EGF: variants seen among roughly 807,000 people sequenced by gnomAD.
EGF encodes the protein pro-epidermal growth factor.
EGF carries 95 observed loss-of-function variants against 143.8 expected under a neutral mutation model. The ratio of observed to expected loss-of-function variants is 0.66; its 90% CI spans 0.56 to 0.78. The LOEUF is 0.78. Among genes scored for constraint, EGF ranks in the 30% least tolerant of loss-of-function variants. EGF has a pLI of 0.00. For missense variants in EGF, 1,320 were observed against 1,470.9 expected, an observed-to-expected ratio of 0.90 and a Z score of 1.68; for synonymous variants, 510 against 510.5, an observed-to-expected ratio of 1.00 and a Z score of 0.01.
In EGF at chr4:110,012,254, C is replaced by A. The variant is rs1357299043; in HGVS notation, c.*799C>A. ...TCTTCTAATTATTTAAATAAAATCA[C>A]CAAAAACATAAACATTTTATTGTAT... On this transcript the variant is annotated 3_prime_UTR_variant, in exon 24 of 24. Transcript: ENST00000265171. The A allele has an allele frequency of 6.6e-6, 1 of 152,020 alleles. No individual in the cohort carries two copies. Among genetic ancestry groups the A allele is most frequent in the Non-Finnish European group, 1.5e-5 (1 of 68,014 alleles). 9.4% of individuals were successfully genotyped at this position (152,020 alleles called of 1,614,324 possible).
chr4:110,012,794 A>G lies in EGF; in HGVS notation c.*1339A>G, dbSNP rs1754114047. 6.6e-6 allele frequency among the ~76,000 whole-genome samples: 1 copy of G among 152,218 alleles called. No individual in the cohort carries two copies. The highest frequency in any genetic ancestry group is 1.5e-5 in the Non-Finnish European group (1 of 68,036). On this transcript the variant is annotated 3_prime_UTR_variant, in exon 24 of 24. Coordinates refer to ENST00000265171, the MANE Select transcript of EGF (RefSeq NM_001963.6). ...TGTTCTAATTAAATATTTTTCTTGC[A>G]GCCAAGATATTGTTACTACAGATAA...
In EGF at chr4:109,987,764, G is replaced by T; in HGVS notation, c.2512G>T (p.Val838Leu). ...TGTAGATCAAGATGACTGTGCTCCTGTGGGATGCAGCATGTATGCTCGGTG... is the reference window on the plus strand; with the variant it reads ...TGTAGATCAAGATGACTGTGCTCCTTTGGGATGCAGCATGTATGCTCGGTG... ...MVSDQDDCAP[V>L]GCSMYARCIS... is the part of the protein sequence containing the mutation. Residue 838 changes from valine to leucine, a missense_variant, in exon 17 of 24, where the codon GTG becomes TTG. Transcript: ENST00000265171. The T allele has an allele frequency of 6.2e-7, 1 of 1,613,886 alleles. No homozygotes were observed. Among genetic ancestry groups the T allele is most frequent in the Non-Finnish European group, 8.5e-7 (1 of 1,179,806 alleles).
chr4:109,995,986 T>C (rs1179396254), intron 20 of EGF, among the ~76,000 whole-genome samples: 5 of 152,214 alleles, frequency 3.3e-5, no homozygotes, highest in Non-Finnish European at 7.3e-5. Context: ...CATGCTATAA[T>C]TTCCTAACCT....
chr4:109,963,229 G>A lies in EGF; in HGVS notation c.1369G>A (p.Val457Ile), dbSNP rs777131517. Reference protein sequence around the residue: ...CSQLCVPLSPVSWECDCFPGY... With the variant: ...CSQLCVPLSPISWECDCFPGY... Reference sequence around the variant, plus strand: ...CCAGCTCTGCGTTCCTCTTAGCCCAGTATCCTGGGAATGTGATTGCTTTCC... The same window carrying A: ...CCAGCTCTGCGTTCCTCTTAGCCCAATATCCTGGGAATGTGATTGCTTTCC... The change falls in exon 9 of 24, where the codon GTA becomes ATA. Residue 457 changes from valine (V) to isoleucine (I), a missense_variant. Physicochemically the swap from Val to Ile is conservative, Grantham distance 29. Around this residue, in one of 5 missense-constraint regions of EGF, gnomAD observed 1,186 missense variants for 1,313.7 expected, o/e 0.90. Transcript: ENST00000265171. 1.7e-5 allele frequency: 28 copies of A among 1,614,014 alleles called. 1 individual carries two copies. The highest frequency in any genetic ancestry group is 1.3e-5 in the Non-Finnish European group (15 of 1,179,966).
chr4:110,004,539 C>A lies in EGF; in HGVS notation c.3208C>A (p.Pro1070Thr), dbSNP rs781407303. 2 of 1,614,048 alleles carry A rather than the reference C, an allele frequency of 1.2e-6. No homozygotes were observed. The highest frequency in any genetic ancestry group is 1.7e-6 in the Non-Finnish European group (2 of 1,179,960). The change falls in exon 22 of 24, where the codon CCT (proline) becomes ACT (threonine). Residue 1070 changes from proline to threonine, a missense_variant. This residue lies in a region of EGF where 1,186 missense variants were observed against 1,313.7 expected (regional missense o/e 0.90). Transcript: ENST00000265171. ...QKLLSKNPKNPYEESSRDVRS... is the reference protein window; with the variant it reads ...QKLLSKNPKNTYEESSRDVRS... ...GCTGCTATCGAAAAACCCAAAGAAT[C>A]CTTATGAGGAGTCGAGCAGAGATGT...
At chr4:109,988,733 A>C in intron 18 of EGF, 24 bp downstream of exon 18, 1 of 1,613,298 alleles carries the variant, frequency 6.2e-7, no homozygotes. Context: ...TGTGCTGGGG[A>C]GGAGGGCAGA....
chr4:109,949,215 C>G (rs1743390248), intron 5 of EGF, among the ~76,000 whole-genome samples: 1 of 152,154 alleles, frequency 6.6e-6, no homozygotes, highest in Admixed American at 6.5e-5. Context: ...ATTACAGGCA[C>G]CCACCACCAT....
intron 13 of EGF, among the ~76,000 whole-genome samples, chr4:109,976,533 A>C (rs576698007): frequency 7.2e-5 from 11 of 152,340 alleles, no homozygotes; most frequent in African/African-American, 2.6e-4. Context: ...TTCATTTCTT[A>C]TGTTTTAGAA....
intron 11 of EGF, 65 bp downstream of exon 11, chr4:109,969,184 G>T: frequency 6.2e-7 from 1 of 1,603,818 alleles, no homozygotes; most frequent in Non-Finnish European, 8.5e-7. Flanking sequence ...AATACTATTG[G>T]CTTCATCTTC....
chr4:110,012,255 CA>C lies in EGF; in HGVS notation c.*805del, dbSNP rs1754057583. The C allele has an allele frequency of 1.3e-5, 2 of 152,062 alleles. No individual in the cohort carries two copies. The highest frequency in any genetic ancestry group is 4.2e-4 in the South Asian group (2 of 4,816). The allele number at this position is 152,062 out of a possible 1,614,324, so 9.4% of individuals were successfully genotyped here. The stretch of plus-strand genomic sequence containing the variant: ...CTTCTAATTATTTAAATAAAATCAC[CA>C]AAAACATAAACATTTTATTGTATGC... On this transcript the variant is annotated 3_prime_UTR_variant, in exon 24 of 24. Transcript: ENST00000265171.
Position 109,988,092 on chromosome 4 carries a change from T to C in EGF, c.2608+232T>C, listed in dbSNP as rs575584896. On this transcript the variant is annotated intron_variant, in intron 17 of 23. Coordinates refer to ENST00000265171, the MANE Select transcript of EGF (RefSeq NM_001963.6). ...GTAAAATTTATGGTTACACAATATA[T>C]GCAGTTGTCATTAAGGGGAAGAATT... 2.4e-3 allele frequency among the ~76,000 whole-genome samples: 365 copies of C among 152,232 alleles called. 2 individuals are homozygous for C. The highest frequency in any genetic ancestry group is 8.3e-3 in the African/African-American group (344 of 41,538).
At chr4:109,985,860 C>T (rs1002625817) in intron 16 of EGF, among the ~76,000 whole-genome samples, 1 of 152,236 alleles carries the variant, frequency 6.6e-6, no homozygotes, top group Non-Finnish European at 1.5e-5. Context: ...GTTTCACTAA[C>T]AGGACCTTGG....
At chr4:109,943,659 A>T (rs1171302228) in intron 3 of EGF, among the ~76,000 whole-genome samples, 183 bp from the exon 4 acceptor site, 1 of 151,844 alleles carries the variant, frequency 6.6e-6, no homozygotes, top group Non-Finnish European at 1.5e-5. Flanking sequence ...TAGAGGCATA[A>T]TTCCCTTTCT....
chr4:110,006,851 G>A (rs72896546), intron 22 of EGF, among the ~76,000 whole-genome samples: 1,938 of 152,344 alleles, frequency 0.013, 36 homozygotes, highest in African/African-American at 0.045. Context: ...GTAGATATCA[G>A]TGGGAGTGGG....
chr4:110,003,789 A>C (rs908165533), intron 21 of EGF, among the ~76,000 whole-genome samples: 1 of 151,960 alleles, frequency 6.6e-6, no homozygotes, highest in African/African-American at 2.4e-5. Context: ...TGGAAGCAAG[A>C]TACCTAGTGT....
At chr4:109,932,760 G>A (rs1038655494) in intron 1 of EGF, among the ~76,000 whole-genome samples, 1 of 151,954 alleles carries the variant, frequency 6.6e-6, no homozygotes, top group Non-Finnish European at 1.5e-5. Flanking sequence ...ATATATATTG[G>A]ATACATTTAT....
chr4:109,913,603 ATGTT>A, intron 1 of EGF, 141 bp downstream of exon 1: 1 of 1,245,712 alleles, frequency 8.0e-7, no homozygotes, highest in Non-Finnish European at 1.1e-6. Flanking sequence ...TTTCTGATGC[ATGTT>A]TATTTTCTTA....
intron 13 of EGF, among the ~76,000 whole-genome samples, chr4:109,978,009 G>A (rs1238018094): frequency 6.6e-6 from 1 of 152,062 alleles, no homozygotes; most frequent in Non-Finnish European, 1.5e-5. Context: ...CTACTATATT[G>A]TATGACTAAT....
At chr4:109,932,425 C>A (rs1161984869) in intron 1 of EGF, among the ~76,000 whole-genome samples, 1 of 125,770 alleles carries the variant, frequency 8.0e-6, no homozygotes, top group Non-Finnish European at 1.6e-5. Flanking sequence ...GTTGCCCAGG[C>A]TGGAGTGTAG....
Sources: allele counts gnomAD v4.1 joint callset (sites outside exome capture counted in the v4.1 genomes callset), GRCh38; gene constraint gnomAD v4.1.1; regional missense constraint gnomAD v4.1.1; transcripts MANE v1.5; gene names NCBI Gene and HGNC (gene_info 2026-07-23, HGNC 2026-07-21).